The following PEPD variants were observed in gnomAD, a reference collection of about 807,000 sequenced individuals.
PEPD encodes the protein peptidase D.
PEPD carries 53 observed loss-of-function variants against 60.7 expected under a neutral mutation model. That is an observed-to-expected ratio of 0.87 (90% CI 0.70 to 1.10). The LOEUF (loss-of-function observed/expected upper bound fraction) is 1.10. Among genes scored for constraint, PEPD ranks in the 50% least tolerant of loss-of-function variants. The probability of loss-of-function intolerance (pLI) is 0.00; values close to 1 mark genes in which losing one functional copy is unlikely to be tolerated. For synonymous variants in PEPD, 267 were observed against 284.1 expected (o/e 0.94, Z 0.60); for missense variants, 711 against 711.9 (o/e 1.00, Z 0.01).
chr19:33,411,895 CCAG>C, intron 10 of PEPD, 146 bp from the exon 11 acceptor site: 1 of 700,622 alleles, frequency 1.4e-6, no homozygotes, highest in South Asian at 1.5e-5. Flanking sequence ...AGGTCCACAG[CCAG>C]AGGTAAGGCC....
intron 1 of PEPD, 56 bp downstream of exon 1, chr19:33,521,688 A>T: frequency 6.5e-7 from 1 of 1,540,538 alleles, no homozygotes; most frequent in Non-Finnish European, 8.8e-7. Flanking sequence ...TCCGGCCGGG[A>T]CACCCATGCC....
Position 33,520,422 on chromosome 19 carries a change from C to T in PEPD, c.17+1322G>A, listed in dbSNP as rs535959007. Among the ~76,000 whole-genome samples the T allele has an allele frequency of 5.9e-5, 9 of 152,352 alleles. No individual in the cohort carries two copies. The East Asian group carries it at 9.6e-4, about 16-fold the overall frequency. ...TGCTGAAGGACTAGCACAAAAGTCA[C>T]CCAGGAAGTGAAGCCTTCCCACACT... On this transcript the variant is annotated intron_variant, in intron 1 of 14. Transcript: ENST00000244137.
chr19:33,464,852 A>G (rs1969992198), intron 7 of PEPD, among the ~76,000 whole-genome samples: 1 of 152,136 alleles, frequency 6.6e-6, no homozygotes, highest in Non-Finnish European at 1.5e-5. Context: ...TAAGACCCAC[A>G]GAGAGGAGCC....
rs377738544 is a variant in PEPD at position 33,462,995 on chromosome 19, C to A, written c.671G>T (p.Ser224Ile). ...TACCCGGAGAAACATGGTGGCTTAC[C>A]TTTCCAACTCATATTCTTTCATTCC... ...KVGMKEYELE[S>I]LFEHYCYSRG... The change falls in exon 9 of 15, where the codon AGC (serine) becomes ATC (isoleucine). Residue 224 changes from serine to isoleucine, a missense_variant and splice_region_variant. Coordinates refer to ENST00000244137, the MANE Select transcript of PEPD (RefSeq NM_000285.4). The A allele has an allele frequency of 6.9e-6, 11 of 1,588,450 alleles. No homozygotes were observed. Among genetic ancestry groups the A allele is most frequent in the Admixed American group, 5.0e-5 (3 of 59,990 alleles).
Position 33,391,364 on chromosome 19 carries a change from G to A in PEPD, c.1083C>T (p.Ala361=), listed in dbSNP as rs201975796. 13 of 1,609,408 alleles carry A rather than the reference G, an allele frequency of 8.1e-6. No individual in the cohort carries two copies. The highest frequency in any genetic ancestry group is 6.7e-5 in the Admixed American group (4 of 59,632). ...GGCCAAGCCCGTGAGGCATAAACAC[G>A]GCCCCCAGGTGAGCCTGGACCATGG... ...VDAMVQAHLG[A]VFMPHGLGHF... The change falls in exon 13 of 15, where the codon GCC becomes GCT. Residue 361 remains alanine, a synonymous_variant. Coordinates refer to ENST00000244137, the MANE Select transcript of PEPD (RefSeq NM_000285.4).
At chr19:33,479,036 G>A (rs77068921) in intron 6 of PEPD, among the ~76,000 whole-genome samples, 1,714 of 152,096 alleles carry the variant, frequency 0.011, 34 homozygotes, top group African/African-American at 0.039. Context: ...GAATAAAGAC[G>A]CAATCCACAT....
At chr19:33,458,348 A>G (rs985045629) in intron 9 of PEPD, among the ~76,000 whole-genome samples, 2 of 144,606 alleles carry the variant, frequency 1.4e-5, no homozygotes, top group African/African-American at 2.6e-5. Flanking sequence ...GTGTAGGTGC[A>G]TGTGGCATGA....
intron 9 of PEPD, among the ~76,000 whole-genome samples, chr19:33,437,815 C>T (rs564632459): frequency 3.3e-5 from 5 of 152,276 alleles, no homozygotes; most frequent in South Asian, 2.1e-4. Context: ...AGGCACGCCC[C>T]GACCGTGCAG....
At chr19:33,454,354 C>G (rs756835669) in intron 9 of PEPD, among the ~76,000 whole-genome samples, 4 of 152,196 alleles carry the variant, frequency 2.6e-5, no homozygotes, top group Admixed American at 6.5e-5. Flanking sequence ...GTAATCCCAG[C>G]ACTTTGGGAG....
intron 5 of PEPD, among the ~76,000 whole-genome samples, chr19:33,492,129 C>T (rs935433326): frequency 4.0e-5 from 6 of 151,606 alleles, no homozygotes; most frequent in East Asian, 1.9e-4. Context: ...AACTCCCAAG[C>T]TCAAAGAAGT....
At chr19:33,395,022 T>C (rs558059812) in intron 12 of PEPD, 9 of 152,376 alleles carry the variant, frequency 5.9e-5, no homozygotes, top group African/African-American at 2.2e-4. Flanking sequence ...GGTTCTCAGC[T>C]TGGCCTGGTC....
intron 4 of PEPD, among the ~76,000 whole-genome samples, chr19:33,495,435 CTGCAGTGA>C (rs1280372232): frequency 6.7e-6 from 1 of 149,766 alleles, no homozygotes; most frequent in Non-Finnish European, 1.5e-5. Context: ...GAGGCGGCAG[CTGCAGTGA>C]GCCGAGATCA....
At chr19:33,387,791 A>C in intron 14 of PEPD, 99 bp downstream of exon 14, 1 of 1,024,018 alleles carries the variant, frequency 9.8e-7, no homozygotes, top group Non-Finnish European at 1.5e-6. Flanking sequence ...CCTCAAGGGA[A>C]GATGTCACTA....
At chr19:33,438,484 C>T (rs891019977) in intron 9 of PEPD, among the ~76,000 whole-genome samples, 8 of 152,244 alleles carry the variant, frequency 5.3e-5, no homozygotes, top group Admixed American at 1.3e-4. Context: ...GATGCCAAGA[C>T]CTACGTCAGG....
At chr19:33,424,364 G>C (rs1473758071) in intron 9 of PEPD, among the ~76,000 whole-genome samples, 1 of 152,262 alleles carries the variant, frequency 6.6e-6, no homozygotes, top group African/African-American at 2.4e-5. Flanking sequence ...GGCACCTTGA[G>C]CCAGCGAGGG....
At chr19:33,413,766 G>A (rs980138991) in intron 9 of PEPD, 123 bp from the exon 10 acceptor site, 2 of 680,198 alleles carry the variant, frequency 2.9e-6, no homozygotes, top group Admixed American at 2.1e-5. Context: ...CCCCACAATG[G>A]TCCAAACTCT....
intron 12 of PEPD, among the ~76,000 whole-genome samples, chr19:33,398,451 G>C (rs989244492): frequency 3.3e-5 from 5 of 152,236 alleles, no homozygotes; most frequent in African/African-American, 1.2e-4. Flanking sequence ...TGGGAGGCCA[G>C]CCCTGTACGT....
intron 12 of PEPD, among the ~76,000 whole-genome samples, chr19:33,401,262 G>T (rs187962390): frequency 1.3e-5 from 2 of 152,184 alleles, no homozygotes; most frequent in Non-Finnish European, 2.9e-5. Context: ...TCCATGAGTC[G>T]GCTGCTTCCC....
chr19:33,459,673 C>CTTT (rs10639577), intron 9 of PEPD, among the ~76,000 whole-genome samples: 3 of 149,556 alleles, frequency 2.0e-5, no homozygotes, highest in Admixed American at 6.6e-5. Flanking sequence ...CGCTCGCTCA[C>CTTT]TTTTTTTTTT....
Sources: gnomAD v4.1 joint callset for allele counts (sites outside exome capture counted in the v4.1 genomes callset) on GRCh38, gnomAD v4.1.1 for gene constraint, MANE v1.5 for transcripts, NCBI Gene and HGNC (gene_info 2026-07-23, HGNC 2026-07-21) for gene names.